The following RARB variants were observed in gnomAD, a reference collection of about 807,000 sequenced individuals.
The protein encoded by RARB is retinoic acid receptor beta.
Under a neutral mutation model 51.9 loss-of-function variants are expected in RARB, and 17 were observed. The observed-to-expected ratio is 0.33, with a 90% CI of 0.22 to 0.49. The LOEUF (loss-of-function observed/expected upper bound fraction) is 0.49. Ranked by LOEUF, RARB falls within the 20% of genes least tolerant of loss-of-function variation. The probability of loss-of-function intolerance (pLI) is 0.99; values close to 1 mark genes in which losing one functional copy is unlikely to be tolerated. For missense variants in RARB, 369 were observed against 550.8 expected, an observed-to-expected ratio of 0.67 and a Z score of 3.30; for synonymous variants, 215 against 195.4, an observed-to-expected ratio of 1.10 and a Z score of -0.84.
At chr3:24,963,845 A>G (rs1019920414) in intron 2 of RARB, among the ~76,000 whole-genome samples, 3 of 150,908 alleles carry the variant, frequency 2.0e-5, no homozygotes, top group Non-Finnish European at 4.4e-5. Context: ...TATTTGATTA[A>G]TCTTTAAAAG....
chr3:25,326,582 T>G (rs1008686365), intron 5 of RARB, among the ~76,000 whole-genome samples: 2 of 152,232 alleles, frequency 1.3e-5, no homozygotes. Context: ...TTTCATGATT[T>G]ACACCTTAAA....
At chr3:25,398,458 C>A (rs1393586289) in intron 5 of RARB, among the ~76,000 whole-genome samples, 1 of 152,158 alleles carries the variant, frequency 6.6e-6, no homozygotes, top group Non-Finnish European at 1.5e-5. Flanking sequence ...AAAAGATGTG[C>A]CCAACTTTAC....
intron 2 of RARB, among the ~76,000 whole-genome samples, chr3:25,481,774 T>G (rs1696234814): frequency 6.6e-6 from 1 of 152,246 alleles, no homozygotes. Context: ...CTTTTACCAC[T>G]TCCATTTGCT....
chr3:24,913,964 TTTTCTC>T (rs1388788417), intron 2 of RARB, among the ~76,000 whole-genome samples: 1 of 152,214 alleles, frequency 6.6e-6, no homozygotes, highest in Non-Finnish European at 1.5e-5. Context: ...TTGTCTGGCT[TTTTCTC>T]TATGCGATGG....
chr3:25,491,494 AGAGACTATCC>A (rs1200631318), intron 2 of RARB, among the ~76,000 whole-genome samples: 1 of 152,176 alleles, frequency 6.6e-6, no homozygotes, highest in Non-Finnish European at 1.5e-5. Context: ...AGAAGAGAAG[AGAGACTATCC>A]GAGACTATCC....
At chr3:25,303,659 C>G (rs1221642345) in intron 5 of RARB, among the ~76,000 whole-genome samples, 1 of 152,200 alleles carries the variant, frequency 6.6e-6, no homozygotes, top group Non-Finnish European at 1.5e-5. Context: ...CATCAGCTCT[C>G]TTCCCTCAAT....
chr3:25,398,853 T>A (rs1171515947), intron 5 of RARB, among the ~76,000 whole-genome samples: 1 of 152,208 alleles, frequency 6.6e-6, no homozygotes. Context: ...AATATATATT[T>A]TATGTCTGTA....
intron 2 of RARB, among the ~76,000 whole-genome samples, chr3:24,879,976 A>G (rs1157034067): frequency 1.4e-5 from 2 of 139,034 alleles, no homozygotes; most frequent in African/African-American, 2.8e-5. Flanking sequence ...CTACAAAGTC[A>G]CGAAAACTGA....
chr3:25,314,416 A>G (rs1003241719), intron 5 of RARB, among the ~76,000 whole-genome samples: 2 of 152,176 alleles, frequency 1.3e-5, no homozygotes, highest in African/African-American at 2.4e-5. Flanking sequence ...ATCATTGTCA[A>G]TTGTGGGAAA....
intron 5 of RARB, among the ~76,000 whole-genome samples, chr3:25,306,591 C>T (rs1378254529): frequency 1.3e-5 from 2 of 151,788 alleles, no homozygotes; most frequent in South Asian, 2.1e-4. Context: ...TGGAATGCTG[C>T]AACTGAAACA....
chr3:25,367,630 A>T (rs1706161156), intron 5 of RARB, among the ~76,000 whole-genome samples: 1 of 146,170 alleles, frequency 6.8e-6, no homozygotes, highest in Non-Finnish European at 1.5e-5. Flanking sequence ...AGCCTAAGCA[A>T]CATGGTAAAA....
At position 25,597,418 on chromosome 3, in the gene RARB, A is replaced by AAAAAATTTTTTTACAGTAAT. The variant is rs1432234514; in HGVS notation, c.*803_*822dup. ...ATGACATAACTACACAGTTAGTTAAAAAAAATTTTTTTACAGTAATGATAG... is the reference window on the plus strand; with the variant it reads ...ATGACATAACTACACAGTTAGTTAAAAAAAATTTTTTTACAGTAATAAAAATTTTTTTACAGTAATGATAG... On this transcript the variant is annotated 3_prime_UTR_variant, in exon 8 of 8. Coordinates refer to ENST00000330688, the MANE Select transcript of RARB (RefSeq NM_000965.5). 1 of 152,580 alleles carries AAAAAATTTTTTTACAGTAAT rather than the reference A, an allele frequency of 6.6e-6. No individual in the cohort carries two copies. Among genetic ancestry groups the AAAAAATTTTTTTACAGTAAT allele is most frequent in the Non-Finnish European group, 1.5e-5 (1 of 68,002 alleles). The allele number at this position is 152,580 out of a possible 1,614,324, so 9.5% of individuals were successfully genotyped here.
At chr3:25,202,388 T>C (rs1436552476) in intron 5 of RARB, among the ~76,000 whole-genome samples, 1 of 152,158 alleles carries the variant, frequency 6.6e-6, no homozygotes. Context: ...AAAAAACAGC[T>C]CCTGGATTCT....
At chr3:25,198,153 G>A (rs1701293794) in intron 5 of RARB, among the ~76,000 whole-genome samples, 1 of 152,042 alleles carries the variant, frequency 6.6e-6, no homozygotes. Context: ...CAGCAAAGCT[G>A]CCAACAACAT....
chr3:24,991,878 C>T (rs993431393), intron 2 of RARB, among the ~76,000 whole-genome samples: 3 of 152,046 alleles, frequency 2.0e-5, no homozygotes, highest in Non-Finnish European at 4.4e-5. Context: ...AGTCTGTTCC[C>T]TATCTCCCCC....
chr3:25,115,410 G>A (rs1300461326), intron 3 of RARB, among the ~76,000 whole-genome samples: 1 of 152,144 alleles, frequency 6.6e-6, no homozygotes, highest in Non-Finnish European at 1.5e-5. Flanking sequence ...TAACAATTGG[G>A]TGAGTGTGTG....
At chr3:25,169,989 TAA>T (rs58403240) in intron 4 of RARB, among the ~76,000 whole-genome samples, 12,895 of 137,154 alleles carry the variant, frequency 0.094, 631 homozygotes, top group Non-Finnish European at 0.11. Context: ...CCTTATTTCT[TAA>T]AAAAAAAAAA....
chr3:25,525,378 T>C (rs1369618519), intron 3 of RARB, among the ~76,000 whole-genome samples: 2 of 151,818 alleles, frequency 1.3e-5, no homozygotes, highest in Non-Finnish European at 2.9e-5. Flanking sequence ...GTAGGAGGTA[T>C]TTATGTGACA....
chr3:25,174,903 A>G (rs1700713803), intron 5 of RARB, among the ~76,000 whole-genome samples: 1 of 152,218 alleles, frequency 6.6e-6, no homozygotes, highest in Non-Finnish European at 1.5e-5. Flanking sequence ...GGAAGCAGTG[A>G]ATTAGGAGAT....
Sources: allele counts gnomAD v4.1 joint callset (sites outside exome capture counted in the v4.1 genomes callset), GRCh38; gene constraint gnomAD v4.1.1; transcripts MANE v1.5; gene names NCBI Gene and HGNC (gene_info 2026-07-23, HGNC 2026-07-21).